Variants in ADAMTSL3 observed in about 807,000 individuals in gnomAD.
ADAMTSL3 encodes ADAMTS-like protein 3.
In ADAMTSL3, 128 loss-of-function variants were observed where a neutral mutation model predicts 201.7. The observed-to-expected ratio is 0.63, with a 90% CI of 0.55 to 0.73. The LOEUF (loss-of-function observed/expected upper bound fraction) is 0.73. Among genes scored for constraint, ADAMTSL3 ranks in the 30% least tolerant of loss-of-function variants. ADAMTSL3 has a pLI of 0.00. For synonymous variants in ADAMTSL3, 738 were observed against 748.4 expected (o/e 0.99, Z 0.23); for missense variants, 1,990 against 2,119.6 (o/e 0.94, Z 1.20).
intron 3 of ADAMTSL3, among the ~76,000 whole-genome samples, chr15:83,760,689 T>C (rs944040339): frequency 6.6e-6 from 1 of 152,170 alleles, no homozygotes; most frequent in East Asian, 1.9e-4. Flanking sequence ...CTTTCACTTT[T>C]AGAATTTGTT....
At chr15:83,918,264 A>G (rs1478727308) in intron 16 of ADAMTSL3, among the ~76,000 whole-genome samples, 1 of 152,202 alleles carries the variant, frequency 6.6e-6, no homozygotes, top group African/African-American at 2.4e-5. Flanking sequence ...ACAATGTTCT[A>G]CAAATATTTA....
chr15:83,895,971 A>G (rs1044048684), intron 13 of ADAMTSL3, among the ~76,000 whole-genome samples: 3 of 152,192 alleles, frequency 2.0e-5, no homozygotes, highest in Non-Finnish European at 2.9e-5. Flanking sequence ...TCCTCGAAAC[A>G]TATCTTTGAA....
At chr15:83,989,920 A>G (rs975063399) in intron 22 of ADAMTSL3, among the ~76,000 whole-genome samples, 17 of 152,188 alleles carry the variant, frequency 1.1e-4, no homozygotes, top group Admixed American at 3.9e-4. Flanking sequence ...ATAACCTCAT[A>G]TGGTCTCATA....
At chr15:83,968,805 A>G (rs774289220) in intron 19 of ADAMTSL3, among the ~76,000 whole-genome samples, 2 of 152,044 alleles carry the variant, frequency 1.3e-5, no homozygotes, top group Non-Finnish European at 2.9e-5. Flanking sequence ...GTGGAACACC[A>G]TGGAGTACTA....
chr15:83,776,828 G>T (rs1273624835), intron 4 of ADAMTSL3, among the ~76,000 whole-genome samples: 2 of 152,240 alleles, frequency 1.3e-5, no homozygotes, highest in Admixed American at 6.5e-5. Flanking sequence ...GTTATGTGAT[G>T]GGAAGGGTTA....
At chr15:83,744,353 AT>A (rs1567114922) in intron 3 of ADAMTSL3, among the ~76,000 whole-genome samples, 1 of 152,132 alleles carries the variant, frequency 6.6e-6, no homozygotes, top group Non-Finnish European at 1.5e-5. Context: ...TGATTTTCTC[AT>A]TCTCACTCTG....
At chr15:83,891,266 G>T in intron 11 of ADAMTSL3, 63 bp from the exon 12 acceptor site, 1 of 1,316,158 alleles carries the variant, frequency 7.6e-7, no homozygotes, top group Non-Finnish European at 1.1e-6. Flanking sequence ...TATTATATTC[G>T]TCAATTAATG....
intron 27 of ADAMTSL3, among the ~76,000 whole-genome samples, chr15:84,029,953 G>T (rs1169821223): frequency 6.6e-6 from 1 of 152,258 alleles, no homozygotes; most frequent in South Asian, 2.1e-4. Context: ...TACACATGGT[G>T]TTGGGCCTGC....
intron 3 of ADAMTSL3, among the ~76,000 whole-genome samples, chr15:83,712,074 C>G (rs2061940923): frequency 6.6e-6 from 1 of 152,158 alleles, no homozygotes; most frequent in Non-Finnish European, 1.5e-5. Context: ...GAGATCAGAT[C>G]AGTCCCTACT....
rs547142884 is a variant in ADAMTSL3 at position 83,991,734 on chromosome 15, C to T, written c.3973+520C>T. On this transcript the variant is annotated intron_variant, in intron 23 of 29. Transcript: ENST00000286744. The stretch of plus-strand genomic sequence containing the variant: ...CCTGTTCCTCAGTGGCTCTTTCTCC[C>T]GTGTTTACAACTGCAGACAAACCTC... 5.3e-5 allele frequency among the ~76,000 whole-genome samples: 8 copies of T among 152,210 alleles called. No individual in the cohort carries two copies. In the East Asian group the frequency reaches 1.2e-3, roughly 22 times the overall value.
chr15:83,745,307 A>G (rs968086698), intron 3 of ADAMTSL3, among the ~76,000 whole-genome samples: 1 of 152,206 alleles, frequency 6.6e-6, no homozygotes, highest in Non-Finnish European at 1.5e-5. Flanking sequence ...GACGCTGGAC[A>G]AGAGCTTGGG....
chr15:83,914,449 A>G (rs1251444478), intron 16 of ADAMTSL3, among the ~76,000 whole-genome samples: 1 of 152,146 alleles, frequency 6.6e-6, no homozygotes, highest in Non-Finnish European at 1.5e-5. Context: ...TTCAACTTCT[A>G]TACCTGCGTA....
chr15:83,948,297 A>T (rs1014645714), intron 19 of ADAMTSL3, among the ~76,000 whole-genome samples: 1 of 152,124 alleles, frequency 6.6e-6, no homozygotes, highest in Non-Finnish European at 1.5e-5. Context: ...ATAGCTGGAA[A>T]TCAGCCATGA....
At chr15:83,738,102 A>G (rs948830103) in intron 3 of ADAMTSL3, among the ~76,000 whole-genome samples, 1 of 152,220 alleles carries the variant, frequency 6.6e-6, no homozygotes, top group African/African-American at 2.4e-5. Context: ...CAATAATAAC[A>G]ACAAAAACAA....
chr15:83,800,874 T>C (rs984332670), intron 4 of ADAMTSL3, among the ~76,000 whole-genome samples: 4 of 152,214 alleles, frequency 2.6e-5, no homozygotes, highest in African/African-American at 9.6e-5. Context: ...AATTACTTCT[T>C]CACTTTTCCT....
chr15:83,682,577 A>T (rs960960493), intron 2 of ADAMTSL3, among the ~76,000 whole-genome samples: 3 of 152,196 alleles, frequency 2.0e-5, no homozygotes, highest in African/African-American at 7.2e-5. Context: ...GAGTAGATTG[A>T]TGACTAGTAT....
intron 16 of ADAMTSL3, among the ~76,000 whole-genome samples, chr15:83,917,417 G>GTATGTGTATGTA (rs140504075): frequency 2.7e-5 from 4 of 146,532 alleles, no homozygotes; most frequent in African/African-American, 7.8e-5. Flanking sequence ...TCCAAAGTGT[G>GTATGTGTATGTA]TGTATGTATG....
chr15:83,922,015 A>C (rs1284917635), intron 16 of ADAMTSL3, among the ~76,000 whole-genome samples: 3 of 152,228 alleles, frequency 2.0e-5, no homozygotes, highest in Non-Finnish European at 1.5e-5. Flanking sequence ...TCAAAAAATG[A>C]TGCTGACGTT....
intron 17 of ADAMTSL3, among the ~76,000 whole-genome samples, chr15:83,929,870 C>T (rs1369720085): frequency 1.3e-5 from 2 of 152,112 alleles, no homozygotes; most frequent in African/African-American, 4.8e-5. Context: ...CACACTCCTG[C>T]TCATTCATGC....
Sources: gnomAD v4.1 joint callset for allele counts (sites outside exome capture counted in the v4.1 genomes callset) on GRCh38, gnomAD v4.1.1 for gene constraint, MANE v1.5 for transcripts, NCBI Gene and HGNC (gene_info 2026-07-23, HGNC 2026-07-21) for gene names.